MRPS28: variants seen among roughly 807,000 people sequenced by gnomAD.
MRPS28 encodes mitochondrial ribosomal protein S28.
In MRPS28, 7 loss-of-function variants were observed where a neutral mutation model predicts 10.8. The observed-to-expected ratio is 0.65, with a 90% CI of 0.37 to 1.22. The LOEUF (loss-of-function observed/expected upper bound fraction) is 1.22, where lower values mean the gene tolerates loss of function less well. Ranked by LOEUF, MRPS28 falls within the 50% of genes most tolerant of loss-of-function variation. The probability of loss-of-function intolerance (pLI) is 0.02; values close to 1 mark genes in which losing one functional copy is unlikely to be tolerated. For synonymous variants in MRPS28, 121 were observed against 93.3 expected (o/e 1.30, Z -1.71); for missense variants, 265 against 232.9 (o/e 1.14, Z -0.90).
At chr8:80,001,244 G>A (rs1030227087) in intron 2 of MRPS28, among the ~76,000 whole-genome samples, 15 of 152,100 alleles carry the variant, frequency 9.9e-5, no homozygotes, top group African/African-American at 3.6e-4. Flanking sequence ...GGGGACTAAG[G>A]ATTTCTTTGT....
At chr8:79,931,715 A>C (rs936058114) in intron 2 of MRPS28, among the ~76,000 whole-genome samples, 4 of 152,180 alleles carry the variant, frequency 2.6e-5, no homozygotes, top group Admixed American at 1.3e-4. Context: ...AGAACTAGCT[A>C]CTCTCTGTCA....
chr8:80,014,365 T>G (rs534674413), intron 1 of MRPS28, among the ~76,000 whole-genome samples: 9 of 149,782 alleles, frequency 6.0e-5, no homozygotes, highest in African/African-American at 2.0e-4. Flanking sequence ...TGGGATGGTT[T>G]GTTATGCAGC....
intron 1 of MRPS28, among the ~76,000 whole-genome samples, chr8:80,027,167 G>A (rs556013142): frequency 6.6e-6 from 1 of 152,304 alleles, no homozygotes; most frequent in Admixed American, 6.5e-5. Context: ...CTATTCTCAG[G>A]AAGGCAGAAG....
intron 2 of MRPS28, among the ~76,000 whole-genome samples, chr8:79,919,877 C>A (rs984080212): frequency 4.6e-5 from 7 of 151,838 alleles, no homozygotes; most frequent in African/African-American, 9.7e-5. Flanking sequence ...ATACATGTGC[C>A]ATGTTGGTGT....
intron 2 of MRPS28, among the ~76,000 whole-genome samples, chr8:79,921,237 T>G (rs1810085047): frequency 6.6e-6 from 1 of 152,112 alleles, no homozygotes. Flanking sequence ...GCCTCCAGCT[T>G]TGTTCTTTTG....
At chr8:79,931,737 T>G (rs1418501013) in intron 2 of MRPS28, among the ~76,000 whole-genome samples, 1 of 152,244 alleles carries the variant, frequency 6.6e-6, no homozygotes, top group Admixed American at 6.5e-5. Context: ...AAAGTAGGTC[T>G]GGCTGTTAAG....
At chr8:79,997,825 C>T (rs561251921) in intron 2 of MRPS28, among the ~76,000 whole-genome samples, 11 of 152,126 alleles carry the variant, frequency 7.2e-5, no homozygotes, top group East Asian at 3.9e-4. Context: ...GAGGCTGAGA[C>T]GGGCGGATCA....
At chr8:79,979,616 C>T (rs903148062) in intron 2 of MRPS28, among the ~76,000 whole-genome samples, 7 of 152,054 alleles carry the variant, frequency 4.6e-5, no homozygotes, top group Admixed American at 6.6e-5. Context: ...TGCAACCTTC[C>T]GGGCTCAAGA....
rs1391638801 is a variant in MRPS28 at position 80,028,649 on chromosome 8, C to CG, written c.213+1386dup. On this transcript the variant is annotated intron_variant, in intron 1 of 2. Coordinates refer to ENST00000276585, the MANE Select transcript of MRPS28 (RefSeq NM_014018.3). The stretch of plus-strand genomic sequence containing the variant: ...AGGGATCTCAAAAGCAGAAGACGGG[C>CG]GGGGGGGGCGGGGCCGGGCGGGGTC... The CG allele has an allele frequency of 2.6e-3, 12 of 4,536 alleles. 2 individuals are homozygous for CG. The highest frequency in any genetic ancestry group is 0.017 in the African/African-American group (12 of 694). 0.3% of individuals were successfully genotyped at this position (4,536 alleles called of 1,614,324 possible).
At chr8:79,986,883 T>C (rs1027509397) in intron 2 of MRPS28, among the ~76,000 whole-genome samples, 3 of 152,102 alleles carry the variant, frequency 2.0e-5, no homozygotes, top group African/African-American at 7.2e-5. Flanking sequence ...GCCATCCCCA[T>C]CAAGCTACCG....
At chr8:80,002,565 C>A (rs1306275019) in intron 2 of MRPS28, among the ~76,000 whole-genome samples, 1 of 151,936 alleles carries the variant, frequency 6.6e-6, no homozygotes, top group Non-Finnish European at 1.5e-5. Context: ...CCTACATAAA[C>A]CACAACAGAA....
At chr8:80,018,965 G>A (rs1361818906) in intron 1 of MRPS28, among the ~76,000 whole-genome samples, 1 of 152,142 alleles carries the variant, frequency 6.6e-6, no homozygotes, top group Non-Finnish European at 1.5e-5. Context: ...CATGGAGACA[G>A]AGTAGAAGGA....
At chr8:79,968,865 T>C (rs550959410) in intron 2 of MRPS28, among the ~76,000 whole-genome samples, 1 of 152,290 alleles carries the variant, frequency 6.6e-6, no homozygotes, top group South Asian at 2.1e-4. Context: ...GCAACTAGAT[T>C]GCAAATGTTT....
chr8:79,929,662 G>A (rs969515762), intron 2 of MRPS28, among the ~76,000 whole-genome samples: 1 of 151,958 alleles, frequency 6.6e-6, no homozygotes, highest in Non-Finnish European at 1.5e-5. Context: ...CTTTAGGATG[G>A]CAGATTCACA....
At chr8:79,975,812 C>T (rs1459858812) in intron 2 of MRPS28, among the ~76,000 whole-genome samples, 1 of 152,054 alleles carries the variant, frequency 6.6e-6, no homozygotes, top group African/African-American at 2.4e-5. Flanking sequence ...CCAGTTCCTC[C>T]ACTCTAAATA....
At chr8:79,931,078 T>C (rs1441700666) in intron 2 of MRPS28, among the ~76,000 whole-genome samples, 10 of 152,220 alleles carry the variant, frequency 6.6e-5, no homozygotes, top group Admixed American at 5.2e-4. Flanking sequence ...AAAAATAGTG[T>C]TAGGCATATT....
chr8:79,949,350 G>C (rs555360577), intron 2 of MRPS28, among the ~76,000 whole-genome samples: 7 of 150,842 alleles, frequency 4.6e-5, no homozygotes, highest in South Asian at 2.1e-4. Context: ...GGAGGCAGAG[G>C]TTGCAGTGAG....
chr8:79,963,375 C>A (rs1016804376), intron 2 of MRPS28, among the ~76,000 whole-genome samples: 3 of 151,978 alleles, frequency 2.0e-5, no homozygotes, highest in Non-Finnish European at 4.4e-5. Flanking sequence ...CAACAAAAAA[C>A]CACGTATTTT....
chr8:79,920,411 T>C (rs1810058180), intron 2 of MRPS28, among the ~76,000 whole-genome samples: 1 of 152,162 alleles, frequency 6.6e-6, no homozygotes, highest in African/African-American at 2.4e-5. Flanking sequence ...CCACCAACAG[T>C]GTAAAAGTGT....
Sources: gnomAD v4.1 joint callset for allele counts (sites outside exome capture counted in the v4.1 genomes callset) on GRCh38, gnomAD v4.1.1 for gene constraint, MANE v1.5 for transcripts, NCBI Gene and HGNC (gene_info 2026-07-23, HGNC 2026-07-21) for gene names.